Variants in OPN3 observed in about 807,000 individuals in gnomAD.
The protein encoded by OPN3 is opsin-3.
OPN3 carries 29 observed loss-of-function variants against 33.8 expected under a neutral mutation model. The ratio of observed to expected loss-of-function variants is 0.86; its 90% CI spans 0.64 to 1.17. The LOEUF (loss-of-function observed/expected upper bound fraction) is 1.17. Among genes scored for constraint, OPN3 ranks in the 50% most tolerant of loss-of-function variants. The pLI is 0.00. For missense variants in OPN3, 437 were observed against 514.1 expected, an observed-to-expected ratio of 0.85 and a Z score of 1.45; for synonymous variants, 216 against 216.1, an observed-to-expected ratio of 1.00 and a Z score of 0.00.
intron 1 of OPN3, among the ~76,000 whole-genome samples, chr1:241,636,784 A>G: frequency 6.6e-6 from 1 of 152,170 alleles, no homozygotes; most frequent in East Asian, 1.9e-4. Flanking sequence ...CTGATTTCAT[A>G]TTAAAATATC....
At chr1:241,617,973 C>G (rs1664178978) in intron 1 of OPN3, among the ~76,000 whole-genome samples, 1 of 151,690 alleles carries the variant, frequency 6.6e-6, no homozygotes, top group African/African-American at 2.4e-5. Flanking sequence ...CTTAGTCATC[C>G]TGATCTGAGA....
chr1:241,604,559 G>A lies in OPN3; in HGVS notation c.394C>T (p.Leu132=). The A allele has an allele frequency of 6.2e-7, 1 of 1,610,986 alleles. No homozygotes were observed. Among genetic ancestry groups the A allele is most frequent in the Non-Finnish European group, 8.5e-7 (1 of 1,177,702 alleles). Residue 132 remains leucine (L), a synonymous_variant, in exon 2 of 4, where the codon CTA becomes TTA. Coordinates refer to ENST00000366554, the MANE Select transcript of OPN3 (RefSeq NM_014322.3). ...SLFGIVSIAT[L]TVLAYERYIR... ...TAACGTTCATAGGCCAGCACGGTTA[G>A]GGTGGCAATGGAAACAATCCCTGCA...
chr1:241,638,040 T>C (rs1210168004), intron 1 of OPN3, among the ~76,000 whole-genome samples: 2 of 152,208 alleles, frequency 1.3e-5, no homozygotes, highest in African/African-American at 2.4e-5. Context: ...AAAGAAATCA[T>C]CTTCGCTAAA....
Position 241,604,420 on chromosome 1 carries a change from C to G in OPN3, c.533G>C (p.Arg178Thr), listed in dbSNP as rs41304028. ...TAGTCCGTGTACGTCCAGGATGTAC[C>G]TGTTCCATCCCAGGAGAGGTGCTCC... ...WAGAPLLGWNRYILDVHGLGC... is the reference protein window; with the variant it reads ...WAGAPLLGWNTYILDVHGLGC... The change falls in exon 2 of 4, where the codon AGG becomes ACG. Residue 178 changes from arginine to threonine, a missense_variant. By Grantham distance (71) the Arg-to-Thr change is moderately conservative (BLOSUM62 -1). Transcript: ENST00000366554. The G allele has an allele frequency of 4.6e-3, 7,447 of 1,614,158 alleles. 38 individuals are homozygous for G. The highest frequency in any genetic ancestry group is 5.9e-3 in the Non-Finnish European group (6,991 of 1,180,038).
intron 2 of OPN3, among the ~76,000 whole-genome samples, chr1:241,603,538 G>C (rs1218334928): frequency 6.6e-6 from 1 of 152,020 alleles, no homozygotes; most frequent in Non-Finnish European, 1.5e-5. Context: ...TGATTGAACT[G>C]ATCTAGGGAT....
rs1465680738 is a variant in OPN3, at chr1:241,639,916, G to T, written c.339C>A (p.Gly113=). 6 of 1,601,610 alleles carry T rather than the reference G, an allele frequency of 3.7e-6. No individual in the cohort carries two copies. In the African/African-American group the frequency reaches 8.1e-5, roughly 22 times the overall value. Reference sequence around the variant, plus strand: ...TGCCGCTAAACCCGTCCCACACGCAGCCCACGGTGTCCCACACCCAGCCGT... The same window carrying T: ...TGCCGCTAAACCCGTCCCACACGCATCCCACGGTGTCCCACACCCAGCCGT... ...LRNGWVWDTV[G]CVWDGFSGSL... Residue 113 remains glycine, a synonymous_variant, in exon 1 of 4, where the codon GGC becomes GGA. Coordinates refer to ENST00000366554, the MANE Select transcript of OPN3 (RefSeq NM_014322.3).
chr1:241,602,564 C>T (rs1252187661), intron 2 of OPN3, among the ~76,000 whole-genome samples: 3 of 152,196 alleles, frequency 2.0e-5, no homozygotes, highest in Non-Finnish European at 2.9e-5. Context: ...GAGGCCTCCT[C>T]TCTTGACTGT....
At chr1:241,596,772 A>G (rs1663529358) in intron 3 of OPN3, among the ~76,000 whole-genome samples, 1 of 152,212 alleles carries the variant, frequency 6.6e-6, no homozygotes, top group Non-Finnish European at 1.5e-5. Flanking sequence ...TCTCCTAGCC[A>G]TGACTCATAG....
At chr1:241,619,090 G>A (rs1267067444) in intron 1 of OPN3, among the ~76,000 whole-genome samples, 2 of 151,918 alleles carry the variant, frequency 1.3e-5, no homozygotes, top group South Asian at 2.1e-4. Context: ...CATTCTTCAC[G>A]GATCTTTCTA....
intron 1 of OPN3, among the ~76,000 whole-genome samples, chr1:241,609,672 G>T (rs137905411): frequency 3.9e-5 from 6 of 152,306 alleles, no homozygotes; most frequent in Middle Eastern, 3.4e-3. Context: ...ACCAGAAAAA[G>T]TAAAATCCCA....
At chr1:241,635,498 C>A (rs371695400) in intron 1 of OPN3, 6 of 1,613,664 alleles carry the variant, frequency 3.7e-6, no homozygotes, top group Non-Finnish European at 5.1e-6. Flanking sequence ...ATCCTTCTTG[C>A]GAAGAGTGAT....
In OPN3 at chr1:241,598,080, A is replaced by G. The variant is rs1293291760; in HGVS notation, c.694-83T>C. 7.6e-6 allele frequency: 11 copies of G among 1,450,542 alleles called. No homozygotes were observed. In the East Asian group the frequency reaches 2.4e-4, roughly 32 times the overall value. The allele number at this position is 1,450,542 out of a possible 1,614,324, so 89.9% of individuals were successfully genotyped here. A position where few individuals can be genotyped will look rare whatever the true frequency, so the allele number is the denominator to read the frequency against. On this transcript the variant is annotated intron_variant, in intron 2 of 3. Transcript: ENST00000366554. ...TTGTTTTTATAACAGATATTCAGAC[A>G]CCATTCTTGGCCCCACCTAAATGGA...
In OPN3 at chr1:241,609,078, C is replaced by A. The variant is rs535769200; in HGVS notation, c.374-4499G>T. ...AGGACTGTCTTACAACTACTTTAGA[C>A]CTTTAACTGATGTTGAGCCTTATTA... On this transcript the variant is annotated intron_variant, in intron 1 of 3. Coordinates refer to ENST00000366554, the MANE Select transcript of OPN3 (RefSeq NM_014322.3). 2.0e-5 allele frequency among the ~76,000 whole-genome samples: 3 copies of A among 152,312 alleles called. No homozygotes were observed. In the South Asian group the frequency reaches 6.2e-4, roughly 32 times the overall value.
At chr1:241,632,996 T>G (rs1320180875) in intron 1 of OPN3, 2 of 152,134 alleles carry the variant, frequency 1.3e-5, no homozygotes, top group Non-Finnish European at 2.9e-5. Context: ...GAAGCTATTT[T>G]AAGTGCCAGG....
chr1:241,615,611 G>A (rs766121885), intron 1 of OPN3, among the ~76,000 whole-genome samples: 12 of 152,074 alleles, frequency 7.9e-5, no homozygotes, highest in Non-Finnish European at 5.9e-5. Context: ...GTAAATGACT[G>A]CTGTCAGCCA....
intron 1 of OPN3, among the ~76,000 whole-genome samples, chr1:241,607,463 G>A (rs938855656): frequency 5.3e-5 from 8 of 151,950 alleles, no homozygotes; most frequent in African/African-American, 1.9e-4. Context: ...GCAGTGAGCT[G>A]AGATTGTGCC....
chr1:241,623,761 C>T (rs920622271), intron 1 of OPN3, among the ~76,000 whole-genome samples: 1 of 152,182 alleles, frequency 6.6e-6, no homozygotes, highest in African/African-American at 2.4e-5. Flanking sequence ...CTCTTTCATT[C>T]CCTTTGCTCT....
At position 241,640,315 on chromosome 1, in the gene OPN3, C is replaced by G; in HGVS notation, c.-61G>C. The G allele has an allele frequency of 9.1e-7, 1 of 1,097,932 alleles. No homozygotes were observed. Among genetic ancestry groups the G allele is most frequent in the African/African-American group, 1.7e-5 (1 of 59,788 alleles). The allele number at this position is 1,097,932 out of a possible 1,614,324, so 68.0% of individuals were successfully genotyped here. A position where few individuals can be genotyped will look rare whatever the true frequency, so the allele number is the denominator to read the frequency against. On this transcript the variant is annotated 5_prime_UTR_variant, in exon 1 of 4. Coordinates refer to ENST00000366554, the MANE Select transcript of OPN3 (RefSeq NM_014322.3). ...TCAGCTTGCGGCGGGGCTCGCGGCG[C>G]GCTCCGCACTGGGTGGGGTTGGGGC...
chr1:241,615,218 A>C (rs1206530828), intron 1 of OPN3, among the ~76,000 whole-genome samples: 1 of 152,118 alleles, frequency 6.6e-6, no homozygotes, highest in Non-Finnish European at 1.5e-5. Context: ...AAAAAAAAAA[A>C]AAAAAACAGT....
Sources: allele counts gnomAD v4.1 joint callset (sites outside exome capture counted in the v4.1 genomes callset), GRCh38; gene constraint gnomAD v4.1.1; transcripts MANE v1.5; gene names NCBI Gene and HGNC (gene_info 2026-07-23, HGNC 2026-07-21).